Variants in NEFH observed in about 807,000 individuals in gnomAD.
NEFH encodes neurofilament heavy polypeptide.
Under a neutral mutation model 56.6 loss-of-function variants are expected in NEFH, and 58 were observed. That is an observed-to-expected ratio of 1.03 (90% CI 0.83 to 1.28). NEFH has a LOEUF of 1.28. Ranked by LOEUF, NEFH falls within the 50% of genes most tolerant of loss-of-function variation. NEFH has a pLI of 0.00. For missense variants in NEFH, 1,221 were observed against 1,307.6 expected (o/e 0.93, Z 1.02); for synonymous variants, 542 against 545.8 (o/e 0.99, Z 0.10).
chr22:29,488,951 G>T lies in NEFH; in HGVS notation c.1311G>T (p.Lys437Asn), dbSNP rs2146399200. 16 of 1,614,116 alleles carry T rather than the reference G, an allele frequency of 9.9e-6. No individual in the cohort carries two copies. The highest frequency in any genetic ancestry group is 1.3e-5 in the Non-Finnish European group (15 of 1,180,028). The change falls in exon 4 of 4, where the codon AAG becomes AAT. Residue 437 changes from lysine to asparagine, a missense_variant. Around this residue, in one of 4 missense-constraint regions of NEFH, gnomAD observed 243 missense variants for 299.1 expected, o/e 0.81. Coordinates refer to ENST00000310624, the MANE Select transcript of NEFH (RefSeq NM_021076.4). The stretch of plus-strand genomic sequence containing the variant: ...TTCCCTCTGTGTCCACTCACATAAA[G>T]GTGAAAAGCGAAGAGAAGATCAAAG... Reference protein sequence around the residue: ...PKIPSVSTHIKVKSEEKIKVV... With the variant: ...PKIPSVSTHINVKSEEKIKVV...
chr22:29,490,001 C>G lies in NEFH; in HGVS notation c.2361C>G (p.Ser787Arg), dbSNP rs568759161. 3.8e-5 allele frequency: 61 copies of G among 1,613,456 alleles called. No homozygotes were observed. The East Asian group carries it at 1.3e-3, about 34-fold the overall frequency. The change falls in exon 4 of 4, where the codon AGC (serine) becomes AGG (arginine). Residue 787 changes from serine to arginine, a missense_variant. Physicochemically the swap from Ser to Arg is moderately radical, Grantham distance 110 (BLOSUM62 -1). Coordinates refer to ENST00000310624, the MANE Select transcript of NEFH (RefSeq NM_021076.4). Reference protein sequence around the residue: ...PADKFPEKAKSPVKEEVKSPE... With the variant: ...PADKFPEKAKRPVKEEVKSPE... ...ACAAATTCCCTGAAAAGGCCAAAAGCCCTGTCAAGGAGGAGGTCAAGTCCC... is the reference window on the plus strand; with the variant it reads ...ACAAATTCCCTGAAAAGGCCAAAAGGCCTGTCAAGGAGGAGGTCAAGTCCC...
rs2063069255 is a variant in NEFH, at chr22:29,489,870, G to T, written c.2230G>T (p.Ala744Ser). ...EKAKSPVKEE[A>S]KSPEKAKSPE... is the part of the protein sequence containing the mutation. ...GGCCAAGTCCCCAGTGAAGGAAGAA[G>T]CTAAGTCCCCAGAGAAGGCCAAGTC... is the stretch of plus-strand genomic sequence containing the variant. The change falls in exon 4 of 4, where the codon GCT becomes TCT. Residue 744 changes from alanine (A) to serine (S), a missense_variant. This residue lies in a region of NEFH where 301 missense variants were observed against 346.6 expected (regional missense o/e 0.87). Coordinates refer to ENST00000310624, the MANE Select transcript of NEFH (RefSeq NM_021076.4). The T allele has an allele frequency of 1.3e-6, 2 of 1,563,902 alleles. No homozygotes were observed. The highest frequency in any genetic ancestry group is 1.7e-6 in the Non-Finnish European group (2 of 1,161,638).
In NEFH at chr22:29,481,096, T is replaced by G; in HGVS notation, c.834T>G (p.Leu278=). The part of the protein sequence containing the change: ...TSALREIRAQ[L]EGHAVQSTLQ... ...CGCTGCGCGAGATTCGCGCGCAGCT[T>G]GAAGGCCACGCGGTGCAGAGCACGC... Residue 278 remains leucine, a synonymous_variant, in exon 1 of 4, where the codon CTT becomes CTG. Transcript: ENST00000310624. 2 of 1,530,922 alleles carry G rather than the reference T, an allele frequency of 1.3e-6. No individual in the cohort carries two copies. Among genetic ancestry groups the G allele is most frequent in the Non-Finnish European group, 1.7e-6 (2 of 1,145,754 alleles). 94.8% of individuals were successfully genotyped at this position (1,530,922 alleles called of 1,614,324 possible).
intron 3 of NEFH, among the ~76,000 whole-genome samples, chr22:29,488,237 G>A (rs1432228295): frequency 2.0e-5 from 3 of 152,094 alleles, no homozygotes; most frequent in Non-Finnish European, 4.4e-5. Context: ...GGTGGCGTGC[G>A]CCTGTACTCC....
intron 2 of NEFH, 127 bp downstream of exon 2, chr22:29,483,701 C>A: frequency 1.3e-6 from 1 of 798,638 alleles, no homozygotes; most frequent in Non-Finnish European, 2.1e-6. Flanking sequence ...GACATACCAG[C>A]ACTTTCCAGC....
At chr22:29,485,952 G>C in intron 3 of NEFH, 105 bp downstream of exon 3, 1 of 1,252,932 alleles carries the variant, frequency 8.0e-7, no homozygotes, top group Non-Finnish European at 1.2e-6. Context: ...CTGTCTTAGG[G>C]ACAAAATTCT....
chr22:29,489,658 A>G lies in NEFH; in HGVS notation c.2018A>G (p.Glu673Gly). The part of the protein sequence containing the change: ...PEKAKSPVKA[E>G]AKSPEKAKSP... Reference sequence around the variant, plus strand: ...AAGGCCAAGTCCCCAGTGAAGGCAGAAGCAAAGTCCCCTGAGAAGGCCAAG... The same window carrying G: ...AAGGCCAAGTCCCCAGTGAAGGCAGGAGCAAAGTCCCCTGAGAAGGCCAAG... Residue 673 changes from glutamate to glycine, a missense_variant, in exon 4 of 4, where the codon GAA becomes GGA. Glu to Gly is a moderately conservative substitution (Grantham distance 98). Transcript: ENST00000310624. 1.9e-6 allele frequency: 3 copies of G among 1,610,446 alleles called. No individual in the cohort carries two copies.
intron 1 of NEFH, among the ~76,000 whole-genome samples, chr22:29,482,073 T>A (rs1170422378): frequency 2.0e-5 from 3 of 152,210 alleles, no homozygotes; most frequent in Non-Finnish European, 4.4e-5. Context: ...TCCAAAAGCA[T>A]CTGTGATCGA....
At position 29,480,966 on chromosome 22, in the gene NEFH, A is replaced by T; in HGVS notation, c.704A>T (p.Gln235Leu). 2 of 1,531,012 alleles carry T rather than the reference A, an allele frequency of 1.3e-6. No homozygotes were observed. Among genetic ancestry groups the T allele is most frequent in the Non-Finnish European group, 1.7e-6 (2 of 1,145,316 alleles). 94.8% of individuals were successfully genotyped at this position (1,531,012 alleles called of 1,614,324 possible). ...EECGYLRRHH[Q>L]EEVGELLGQI... Reference sequence around the variant, plus strand: ...TGCGGCTACCTGCGGCGCCACCACCAGGAAGAGGTGGGCGAGCTGCTCGGC... The same window carrying T: ...TGCGGCTACCTGCGGCGCCACCACCTGGAAGAGGTGGGCGAGCTGCTCGGC... Residue 235 changes from glutamine to leucine, a missense_variant, in exon 1 of 4, where the codon CAG becomes CTG. By Grantham distance (113) the Gln-to-Leu change is moderately radical (BLOSUM62 -2). Coordinates refer to ENST00000310624, the MANE Select transcript of NEFH (RefSeq NM_021076.4).
In NEFH at chr22:29,490,367, G is replaced by A. The variant is rs2063073829; in HGVS notation, c.2727G>A (p.Glu909=). 1 of 1,613,532 alleles carries A rather than the reference G, an allele frequency of 6.2e-7. No individual in the cohort carries two copies. The highest frequency in any genetic ancestry group is 8.5e-7 in the Non-Finnish European group (1 of 1,179,808). Residue 909 remains glutamate (E), a synonymous_variant, in exon 4 of 4, where the codon GAG becomes GAA. Transcript: ENST00000310624. ...DKKKVPTPEK[E]APAKVEVKED... is the part of the protein sequence containing the mutation. ...AAAAAGTCCCCACCCCAGAGAAGGA[G>A]GCTCCTGCCAAGGTGGAGGTGAAGG...
rs1569197109 is a variant in NEFH, at chr22:29,488,288, T to TTGCTTGAAGCC, written c.1209-561_1209-560insTGCTTGAAGCC. Among the ~76,000 whole-genome samples, 5 of 152,060 alleles carry TTGCTTGAAGCC rather than the reference T, an allele frequency of 3.3e-5. No homozygotes were observed. The East Asian group carries it at 9.7e-4, about 29-fold the overall frequency. ...CTGAGACAGGAGAATTGCTTGAAGC[T>TTGCTTGAAGCC]GGGGGAATTGCTTGAATCTGGGAGG... On this transcript the variant is annotated intron_variant, in intron 3 of 3. Transcript: ENST00000310624.
chr22:29,488,772 C>A, intron 3 of NEFH, 77 bp from the exon 4 acceptor site: 2 of 1,360,648 alleles, frequency 1.5e-6, no homozygotes, highest in Non-Finnish European at 2.1e-6. Context: ...CAGTGACCTT[C>A]AGGATAGTCT....
Position 29,480,339 on chromosome 22 carries a change from ACG to A in NEFH, c.81_82del (p.Leu28SerfsTer69). 1 of 1,521,882 alleles carries A rather than the reference ACG, an allele frequency of 6.6e-7. No homozygotes were observed. Among genetic ancestry groups the A allele is most frequent in the Non-Finnish European group, 8.7e-7 (1 of 1,143,574 alleles). 94.3% of individuals were successfully genotyped at this position (1,521,882 alleles called of 1,614,324 possible). A position where few individuals can be genotyped will look rare whatever the true frequency, so the allele number is the denominator to read the frequency against. On this transcript the variant is annotated frameshift_variant, in exon 1 of 4. Coordinates refer to ENST00000310624, the MANE Select transcript of NEFH (RefSeq NM_021076.4). LOFTEE classifies it high-confidence loss of function. ...CTGCATGGCGGCGGCAGCCTCCACT[ACG>A]CGCTAGCCCGAAAGGGTGGCGCAGG... is the stretch of plus-strand genomic sequence containing the variant.
chr22:29,482,456 C>T (rs1366680468), intron 1 of NEFH, among the ~76,000 whole-genome samples: 2 of 152,084 alleles, frequency 1.3e-5, no homozygotes, highest in East Asian at 1.9e-4. Flanking sequence ...GGGTTGCTGG[C>T]GGGGGCCGGG....
chr22:29,483,859 A>G (rs1326809228), intron 2 of NEFH, among the ~76,000 whole-genome samples: 1 of 112,840 alleles, frequency 8.9e-6, no homozygotes, highest in African/African-American at 3.8e-5. Context: ...TTATTTATTT[A>G]TTTATTTTGA....
At position 29,489,741 on chromosome 22, in the gene NEFH, G is replaced by A; in HGVS notation, c.2101G>A (p.Glu701Lys). 1 of 1,609,846 alleles carries A rather than the reference G, an allele frequency of 6.2e-7. No individual in the cohort carries two copies. The highest frequency in any genetic ancestry group is 8.5e-7 in the Non-Finnish European group (1 of 1,179,040). Residue 701 changes from glutamate (E) to lysine (K), a missense_variant, in exon 4 of 4, where the codon GAA becomes AAA. This residue lies in a region of NEFH where 37 missense variants were observed against 106.4 expected (regional missense o/e 0.35). Transcript: ENST00000310624. ...GAAGGCCAAGTCCCCAGTGAAGGAA[G>A]AAGCAAAGTCCCCTGAGAAGGCCAA... is the stretch of plus-strand genomic sequence containing the variant. ...PEKAKSPVKE[E>K]AKSPEKAKSP...
At position 29,480,799 on chromosome 22, in the gene NEFH, G is replaced by C. The variant is rs2063001088; in HGVS notation, c.537G>C (p.Ala179=). The C allele has an allele frequency of 1.4e-6, 2 of 1,411,082 alleles. No homozygotes were observed. The highest frequency in any genetic ancestry group is 1.8e-6 in the Non-Finnish European group (2 of 1,093,752). 87.4% of individuals were successfully genotyped at this position (1,411,082 alleles called of 1,614,324 possible). Residue 179 remains alanine (A), a synonymous_variant, in exon 1 of 4, where the codon GCG becomes GCC. Coordinates refer to ENST00000310624, the MANE Select transcript of NEFH (RefSeq NM_021076.4). ...LEQEHLLEDI[A]HVRQRLDDEA... ...AGGAGCACCTGCTCGAGGACATCGC[G>C]CACGTGCGCCAGCGCCTAGACGACG...
Position 29,480,653 on chromosome 22 carries a change from G to C in NEFH, c.391G>C (p.Ala131Pro), listed in dbSNP as rs766318171. Reference sequence around the variant, plus strand: ...CCGCAGCCTGGAGGGCGAGGCTGCGGCGCTGCGGCAGCAGCAGGCGGGCCG... The same window carrying C: ...CCGCAGCCTGGAGGGCGAGGCTGCGCCGCTGCGGCAGCAGCAGGCGGGCCG... ...HNRSLEGEAA[A>P]LRQQQAGRSA... Residue 131 changes from alanine to proline, a missense_variant, in exon 1 of 4, where the codon GCG becomes CCG. Physicochemically the swap from Ala to Pro is conservative, Grantham distance 27. This residue lies in a region of NEFH where 640 missense variants were observed against 555.5 expected (regional missense o/e 1.15). Transcript: ENST00000310624. 1 of 1,556,542 alleles carries C rather than the reference G, an allele frequency of 6.4e-7. No homozygotes were observed. The highest frequency in any genetic ancestry group is 2.3e-5 in the East Asian group (1 of 42,980).
chr22:29,480,326 G>C lies in NEFH; in HGVS notation c.64G>C (p.Gly22Arg). ...GAPFAPLHGG[G>R]SLHYALARKG... ...CCCGTTCGCGCCGCTGCATGGCGGC[G>C]GCAGCCTCCACTACGCGCTAGCCCG... The change falls in exon 1 of 4, where the codon GGC becomes CGC. Residue 22 changes from glycine (G) to arginine (R), a missense_variant. Physicochemically the swap from Gly to Arg is moderately radical, Grantham distance 125. Transcript: ENST00000310624. 6.6e-7 allele frequency: 1 copy of C among 1,507,446 alleles called. No homozygotes were observed. The highest frequency in any genetic ancestry group is 8.8e-7 in the Non-Finnish European group (1 of 1,138,314). 93.4% of individuals were successfully genotyped at this position (1,507,446 alleles called of 1,614,324 possible).
Sources: gnomAD v4.1 joint callset for allele counts (sites outside exome capture counted in the v4.1 genomes callset) on GRCh38, gnomAD v4.1.1 for gene constraint, gnomAD v4.1.1 regional missense constraint, MANE v1.5 for transcripts, NCBI Gene and HGNC (gene_info 2026-07-23, HGNC 2026-07-21) for gene names.